Variants in KCNIP1 observed in about 807,000 individuals in gnomAD.
KCNIP1 encodes the protein potassium voltage-gated channel interacting protein 1, also known as A-type potassium channel modulatory protein KCNIP1.
A neutral mutation model predicts 33.0 loss-of-function variants in KCNIP1; 18 were observed. The ratio of observed to expected loss-of-function variants is 0.55; its 90% confidence interval spans 0.38 to 0.81. The LOEUF (loss-of-function observed/expected upper bound fraction) is 0.81. Among genes scored for constraint, KCNIP1 ranks in the 30% least tolerant of loss-of-function variants. KCNIP1 has a pLI of 0.00. For missense variants in KCNIP1, 238 were observed against 271.6 expected (o/e 0.88, Z 0.87); for synonymous variants, 93 against 98.3 (o/e 0.95, Z 0.32).
At chr5:170,374,479 G>A (rs569595994) in intron 1 of KCNIP1, among the ~76,000 whole-genome samples, 1 of 152,238 alleles carries the variant, frequency 6.6e-6, no homozygotes, top group East Asian at 1.9e-4. Flanking sequence ...CTGAGACCTG[G>A]CACTGTTAGG....
chr5:170,674,060 G>T (rs895392365), intron 1 of KCNIP1, among the ~76,000 whole-genome samples: 1 of 151,520 alleles, frequency 6.6e-6, no homozygotes, highest in African/African-American at 2.4e-5. Flanking sequence ...CATTGTGATG[G>T]GGGCTGTTCT....
chr5:170,379,025 C>G, intron 1 of KCNIP1: 1 of 1,588,086 alleles, frequency 6.3e-7, no homozygotes, highest in South Asian at 1.2e-5. Context: ...CATTTCTTAG[C>G]CAAGGGCTTG....
rs1763273693 is a variant in KCNIP1 at position 170,353,818 on chromosome 5, C to A, written c.-59C>A. The A allele has an allele frequency of 3.3e-6, 5 of 1,524,586 alleles. No individual in the cohort carries two copies. In the South Asian group the frequency reaches 5.7e-5, roughly 17 times the overall value. The allele number at this position is 1,524,586 out of a possible 1,614,324, so 94.4% of individuals were successfully genotyped here. On this transcript the variant is annotated 5_prime_UTR_variant, in exon 1 of 8. Transcript: ENST00000377360. ...GCAGGCTCCAAGTTCCTGGGGTGCA[C>A]AAGGTGGGCACTGTCCCTTCTGGGT...
intron 1 of KCNIP1, among the ~76,000 whole-genome samples, chr5:170,361,476 G>C (rs1678865079): frequency 6.6e-6 from 1 of 152,158 alleles, no homozygotes; most frequent in African/African-American, 2.4e-5. Flanking sequence ...CCCTCTGGCT[G>C]AAGCCACTGA....
chr5:170,580,605 C>T (rs964294833), intron 1 of KCNIP1, among the ~76,000 whole-genome samples: 3 of 152,028 alleles, frequency 2.0e-5, no homozygotes, highest in African/African-American at 7.3e-5. Flanking sequence ...ATGCAGACCA[C>T]GCTGGGCATA....
chr5:170,392,164 C>T (rs893675173), intron 1 of KCNIP1, among the ~76,000 whole-genome samples: 1 of 152,178 alleles, frequency 6.6e-6, no homozygotes, highest in Admixed American at 6.5e-5. Context: ...ACAGCCTCAG[C>T]TCAGATCTCA....
chr5:170,601,768 T>G (rs1169775366), intron 1 of KCNIP1, among the ~76,000 whole-genome samples: 1 of 152,190 alleles, frequency 6.6e-6, no homozygotes, highest in Non-Finnish European at 1.5e-5. Flanking sequence ...CTGGTTGGAA[T>G]GTGTGCTTTG....
intron 1 of KCNIP1, among the ~76,000 whole-genome samples, chr5:170,614,414 T>C (rs868128838): frequency 6.6e-6 from 1 of 152,218 alleles, no homozygotes; most frequent in South Asian, 2.1e-4. Flanking sequence ...CTTCTAAGTG[T>C]TGGCAGCTTG....
chr5:170,511,092 C>T (rs139707769), intron 1 of KCNIP1, among the ~76,000 whole-genome samples: 1 of 152,242 alleles, frequency 6.6e-6, no homozygotes, highest in East Asian at 1.9e-4. Flanking sequence ...TCCTGTAATC[C>T]CAGTCACTCA....
At chr5:170,383,272 T>A (rs1258606996) in intron 1 of KCNIP1, 1 of 374,454 alleles carries the variant, frequency 2.7e-6, no homozygotes, top group Admixed American at 4.2e-5. Flanking sequence ...GCCTGGTCCC[T>A]CATTTGACTG....
chr5:170,494,242 A>G (rs1757266594), intron 1 of KCNIP1, among the ~76,000 whole-genome samples: 2 of 152,238 alleles, frequency 1.3e-5, no homozygotes, highest in African/African-American at 4.8e-5. Flanking sequence ...CTAATGGATC[A>G]TGCAAATGCC....
At chr5:170,732,148 C>T (rs1249488458) in intron 5 of KCNIP1, among the ~76,000 whole-genome samples, 1 of 151,968 alleles carries the variant, frequency 6.6e-6, no homozygotes, top group Non-Finnish European at 1.5e-5. Flanking sequence ...TGAGACTGTC[C>T]CCTGGGTCTC....
At chr5:170,525,623 GT>G (rs1418430095) in intron 1 of KCNIP1, among the ~76,000 whole-genome samples, 3 of 152,160 alleles carry the variant, frequency 2.0e-5, no homozygotes, top group Admixed American at 6.5e-5. Flanking sequence ...CTTTACCGCC[GT>G]GTGATTCTCT....
intron 1 of KCNIP1, chr5:170,378,859 C>T: frequency 6.2e-7 from 1 of 1,614,252 alleles, no homozygotes; most frequent in Non-Finnish European, 8.5e-7. Context: ...GTTTCGTTCC[C>T]CCGAGGTGCG....
intron 1 of KCNIP1, among the ~76,000 whole-genome samples, chr5:170,690,454 A>C (rs943988418): frequency 6.6e-6 from 1 of 152,234 alleles, no homozygotes; most frequent in African/African-American, 2.4e-5. Context: ...GAATAGGGAA[A>C]TCTCCTGATA....
At chr5:170,598,496 C>T (rs1449679051) in intron 1 of KCNIP1, among the ~76,000 whole-genome samples, 1 of 152,138 alleles carries the variant, frequency 6.6e-6, no homozygotes. Context: ...TCTCTGTGTG[C>T]CCCGGACAAG....
chr5:170,599,260 G>T (rs1049974021), intron 1 of KCNIP1, among the ~76,000 whole-genome samples: 1 of 152,120 alleles, frequency 6.6e-6, no homozygotes, highest in South Asian at 2.1e-4. Flanking sequence ...ATAAGTGCTA[G>T]CTATTATGAT....
intron 1 of KCNIP1, among the ~76,000 whole-genome samples, chr5:170,613,929 T>C (rs1023462929): frequency 1.3e-5 from 2 of 152,152 alleles, no homozygotes; most frequent in African/African-American, 4.8e-5. Context: ...CATGAATGCA[T>C]CAGTGGCTTC....
chr5:170,712,729 C>A, intron 1 of KCNIP1: 1 of 868,414 alleles, frequency 1.2e-6, no homozygotes, highest in Non-Finnish European at 2.0e-6. Context: ...TACTGAGAGG[C>A]TCTTCGCATA....
Sources: allele counts gnomAD v4.1 joint callset (sites outside exome capture counted in the v4.1 genomes callset), GRCh38; gene constraint gnomAD v4.1.1; transcripts MANE v1.5; gene names NCBI Gene and HGNC (gene_info 2026-07-23, HGNC 2026-07-21).